The following ZFTRAF1 variants were observed in gnomAD, a reference collection of about 807,000 sequenced individuals.
ZFTRAF1 encodes the protein zinc finger TRAF-type and ring finger containing 1.
the ZFTRAF1 span, among the ~76,000 whole-genome samples, chr8:144,459,116 G>T: frequency 2.0e-4 from 30 of 152,248 alleles, no homozygotes; most frequent in African/African-American, 7.2e-4. Context: ...AGAAGTCAGG[G>T]ATGAGGCTGC....
chr8:144,449,851 A>C, the ZFTRAF1 span: 1 of 167,222 alleles, frequency 6.0e-6, no homozygotes, highest in East Asian at 1.6e-4. Flanking sequence ...GGGGCGGGGC[A>C]GGCTCTGACC....
At chr8:144,459,491 C>T in the ZFTRAF1 span, among the ~76,000 whole-genome samples, 1 of 152,268 alleles carries the variant, frequency 6.6e-6, no homozygotes, top group Non-Finnish European at 1.5e-5. Context: ...GCATGAGGGC[C>T]TCAGTCTGAC....
chr8:144,458,378 G>A, the ZFTRAF1 span, among the ~76,000 whole-genome samples: 1 of 152,218 alleles, frequency 6.6e-6, no homozygotes, highest in Non-Finnish European at 1.5e-5. Flanking sequence ...TTGCTCCTGT[G>A]TTTTAGATAC....
the ZFTRAF1 span, chr8:144,454,452 G>A: frequency 1.3e-5 from 2 of 152,428 alleles, no homozygotes; most frequent in African/African-American, 4.8e-5. Context: ...GGCCAGCCAG[G>A]AGTGACAGGG....
chr8:144,452,458 T>G, the ZFTRAF1 span: 1 of 1,549,508 alleles, frequency 6.5e-7, no homozygotes, highest in Non-Finnish European at 8.7e-7. Flanking sequence ...AGGATCTCCA[T>G]CAGCTCACTG....
chr8:144,458,937 T>C, the ZFTRAF1 span, among the ~76,000 whole-genome samples: 1 of 152,218 alleles, frequency 6.6e-6, no homozygotes, highest in Non-Finnish European at 1.5e-5. Flanking sequence ...TGAGCCCGTT[T>C]TTGCCTTAAG....
the ZFTRAF1 span, chr8:144,454,622 G>A: frequency 6.6e-6 from 1 of 152,340 alleles, no homozygotes; most frequent in Admixed American, 6.5e-5. Flanking sequence ...TGGGACCTGG[G>A]ACCCTCTTGA....
the ZFTRAF1 span, chr8:144,462,410 C>A: frequency 2.6e-6 from 1 of 377,584 alleles, no homozygotes; most frequent in Non-Finnish European, 4.6e-6. Context: ...CTCGGCTGCC[C>A]GCAGCCGCTT....
At chr8:144,459,901 G>A in the ZFTRAF1 span, among the ~76,000 whole-genome samples, 479 of 152,352 alleles carry the variant, frequency 3.1e-3, 5 homozygotes, top group African/African-American at 0.011. Flanking sequence ...TGGCTGGCTC[G>A]AGACAGCCAA....
the ZFTRAF1 span, chr8:144,450,196 G>A: frequency 5.2e-6 from 3 of 580,332 alleles, no homozygotes; most frequent in South Asian, 2.0e-5. Flanking sequence ...GGGGTCGGGG[G>A]GGTGAGCCGG....
the ZFTRAF1 span, among the ~76,000 whole-genome samples, chr8:144,462,055 A>T: frequency 1.3e-5 from 2 of 152,176 alleles, no homozygotes; most frequent in Non-Finnish European, 2.9e-5. Flanking sequence ...CAGAAAACAG[A>T]AAAGGGGGGT....
At chr8:144,460,334 T>C in the ZFTRAF1 span, among the ~76,000 whole-genome samples, 2 of 152,238 alleles carry the variant, frequency 1.3e-5, no homozygotes, top group East Asian at 1.9e-4. Context: ...CTCTGCACAG[T>C]GCAGGCCGGT....
the ZFTRAF1 span, among the ~76,000 whole-genome samples, chr8:144,461,519 G>A: frequency 6.6e-6 from 1 of 151,248 alleles, no homozygotes; most frequent in Non-Finnish European, 1.5e-5. Context: ...GTGAAGATGG[G>A]GGAGGAGGGG....
chr8:144,459,072 C>A, the ZFTRAF1 span, among the ~76,000 whole-genome samples: 1 of 152,258 alleles, frequency 6.6e-6, no homozygotes, highest in East Asian at 1.9e-4. Context: ...CAGCATCACA[C>A]TGGGCCTCGT....
At chr8:144,461,934 A>T in the ZFTRAF1 span, among the ~76,000 whole-genome samples, 2 of 152,096 alleles carry the variant, frequency 1.3e-5, no homozygotes, top group East Asian at 3.9e-4. Flanking sequence ...GCTAAGGATC[A>T]GTTTGAGGCT....
chr8:144,459,386 A>C, the ZFTRAF1 span, among the ~76,000 whole-genome samples: 2 of 152,190 alleles, frequency 1.3e-5, no homozygotes, highest in African/African-American at 4.8e-5. Context: ...AACATATCTA[A>C]CACCCACACA....
At chr8:144,460,930 C>T in the ZFTRAF1 span, among the ~76,000 whole-genome samples, 56,648 of 151,988 alleles carry the variant, frequency 0.37, 12,838 homozygotes, top group South Asian at 0.57. Context: ...AGGTTGTGAG[C>T]CAGGAAAAAG....
At chr8:144,453,512 G>T in the ZFTRAF1 span, 172 of 1,464,356 alleles carry the variant, frequency 1.2e-4, no homozygotes, top group Non-Finnish European at 1.5e-4. Flanking sequence ...GCTCATGCTC[G>T]CACACACCCG....
chr8:144,450,919 C>T, the ZFTRAF1 span: 1 of 595,238 alleles, frequency 1.7e-6, no homozygotes, highest in South Asian at 2.0e-5. Context: ...ACAAGCAAGC[C>T]AAACGCAACT....
Sources: allele counts gnomAD v4.1 joint callset (sites outside exome capture counted in the v4.1 genomes callset), GRCh38; gene constraint gnomAD v4.1.1; transcripts MANE v1.5; gene names NCBI Gene and HGNC (gene_info 2026-07-23, HGNC 2026-07-21).